SCG5: variants seen among roughly 807,000 people sequenced by gnomAD.
SCG5 encodes the protein neuroendocrine protein 7B2.
In SCG5, 18 loss-of-function variants were observed where a neutral mutation model predicts 25.7. The ratio of observed to expected loss-of-function variants is 0.70; its 90% CI spans 0.48 to 1.04. The LOEUF (loss-of-function observed/expected upper bound fraction) is 1.04, where lower values mean the gene tolerates loss of function less well. SCG5 is among the 50% of genes least tolerant of loss of function. The pLI is 0.00. For synonymous variants in SCG5, 101 were observed against 91.7 expected (o/e 1.10, Z -0.58); for missense variants, 206 against 259.8 (o/e 0.79, Z 1.42).
chr15:32,690,922 G>GCC (rs34757221), intron 4 of SCG5, among the ~76,000 whole-genome samples: 84 of 143,362 alleles, frequency 5.9e-4, no homozygotes, highest in Middle Eastern at 3.9e-3. Context: ...CACAAGTAAA[G>GCC]CCCCCCCCCA....
At chr15:32,655,420 C>T (rs982979204) in intron 2 of SCG5, among the ~76,000 whole-genome samples, 11 of 152,162 alleles carry the variant, frequency 7.2e-5, no homozygotes, top group African/African-American at 2.7e-4. Context: ...CTTTTCCTCC[C>T]CTTGTCCCCT....
intron 2 of SCG5, among the ~76,000 whole-genome samples, chr15:32,653,261 A>C (rs118151036): frequency 0.031 from 4,715 of 152,304 alleles, 101 homozygotes; most frequent in Middle Eastern, 0.061. Flanking sequence ...CACGAGTGAG[A>C]TCTTTAGTCC....
intron 2 of SCG5, among the ~76,000 whole-genome samples, chr15:32,663,190 CAATTT>C (rs949776462): frequency 6.6e-6 from 1 of 150,412 alleles, no homozygotes; most frequent in Non-Finnish European, 1.5e-5. Flanking sequence ...TACAATTCAA[CAATTT>C]AAAGTATACA....
At chr15:32,642,011 A>G (rs2053870933) in intron 1 of SCG5, among the ~76,000 whole-genome samples, 1 of 152,150 alleles carries the variant, frequency 6.6e-6, no homozygotes, top group African/African-American at 2.4e-5. Context: ...TCCTGCATTC[A>G]GAGTGGACAA....
At chr15:32,694,302 T>C (rs150486788) in intron 5 of SCG5, among the ~76,000 whole-genome samples, 1 of 152,244 alleles carries the variant, frequency 6.6e-6, no homozygotes, top group African/African-American at 2.4e-5. Context: ...CCATGAGAGA[T>C]AGATTCTCCT....
chr15:32,692,438 A>G (rs765674636), intron 5 of SCG5: 8 of 199,698 alleles, frequency 4.0e-5, no homozygotes, highest in Non-Finnish European at 6.3e-5. Flanking sequence ...GTAAAACTCA[A>G]TGTCACATTT....
At chr15:32,655,868 G>A (rs1018242812) in intron 2 of SCG5, among the ~76,000 whole-genome samples, 22 of 152,198 alleles carry the variant, frequency 1.4e-4, no homozygotes, top group African/African-American at 5.1e-4. Context: ...AATTTCAGCT[G>A]TTTGCATATC....
At chr15:32,669,783 G>A (rs1049838481) in intron 2 of SCG5, among the ~76,000 whole-genome samples, 3 of 151,878 alleles carry the variant, frequency 2.0e-5, no homozygotes, top group Non-Finnish European at 4.4e-5. Context: ...TGGGGTTTGT[G>A]GTGACTACAG....
At chr15:32,653,938 T>A (rs2054073422) in intron 2 of SCG5, among the ~76,000 whole-genome samples, 1 of 152,206 alleles carries the variant, frequency 6.6e-6, no homozygotes, top group Non-Finnish European at 1.5e-5. Context: ...CTCCATTTCC[T>A]AAGGAAAATT....
intron 2 of SCG5, among the ~76,000 whole-genome samples, chr15:32,648,874 C>T (rs549683433): frequency 2.6e-3 from 395 of 152,146 alleles, no homozygotes; most frequent in Non-Finnish European, 4.8e-3. Context: ...CGGGTTCTCG[C>T]CATTCTCCTG....
intron 2 of SCG5, among the ~76,000 whole-genome samples, chr15:32,673,818 C>G (rs2054485319): frequency 6.6e-6 from 1 of 152,094 alleles, no homozygotes; most frequent in Non-Finnish European, 1.5e-5. Flanking sequence ...ACTGCAACCT[C>G]TACTCCCCAA....
At chr15:32,647,422 T>C (rs2140499394) in intron 2 of SCG5, among the ~76,000 whole-genome samples, 1 of 152,340 alleles carries the variant, frequency 6.6e-6, no homozygotes, top group African/African-American at 2.4e-5. Context: ...CTCTCAAATA[T>C]AGAATTATAA....
rs71113463 is a variant in SCG5 at position 32,657,199 on chromosome 15, G to GTA, written c.226+13393_226+13394dup. On this transcript the variant is annotated intron_variant, in intron 2 of 5. Transcript: ENST00000300175. ...CCTTAATTCTTTCTTTCATCCTCCT[G>GTA]TATATATATATATGTATGTATTTCC... Among the ~76,000 whole-genome samples, 19 of 6,662 alleles carry GTA rather than the reference G, an allele frequency of 2.9e-3. 6 individuals are homozygous for GTA. Among genetic ancestry groups the GTA allele is most frequent in the Non-Finnish European group, 4.1e-3 (14 of 3,456 alleles). The allele number at this position is 6,662 out of a possible 152,430, so 4.4% of individuals were successfully genotyped here.
intron 2 of SCG5, among the ~76,000 whole-genome samples, chr15:32,672,417 G>T (rs1026126752): frequency 5.3e-5 from 8 of 152,378 alleles, no homozygotes; most frequent in Admixed American, 1.3e-4. Context: ...AGTCTGGAGG[G>T]CAGGGGTTGT....
Position 32,643,215 on chromosome 15 carries a change from G to A in SCG5, c.-7-371G>A, listed in dbSNP as rs2140492637. 1.3e-5 allele frequency among the ~76,000 whole-genome samples: 2 copies of A among 152,320 alleles called. 1 individual carries two copies. The highest frequency in any genetic ancestry group is 1.3e-4 in the Admixed American group (2 of 15,304). On this transcript the variant is annotated intron_variant, in intron 1 of 5. Transcript: ENST00000300175. ...GATGCCACTATCTCTTTCTCAAAAT[G>A]TAAGCAAGTTTGGTTTATTTGTTTT...
intron 2 of SCG5, among the ~76,000 whole-genome samples, chr15:32,660,989 AC>A (rs1249267559): frequency 1.3e-5 from 2 of 152,266 alleles, no homozygotes; most frequent in Admixed American, 1.3e-4. Context: ...GCTATAACTC[AC>A]AAAAGGAAAT....
At chr15:32,669,828 CT>C (rs1242171726) in intron 2 of SCG5, among the ~76,000 whole-genome samples, 1 of 150,284 alleles carries the variant, frequency 6.7e-6, no homozygotes, top group East Asian at 1.9e-4. Context: ...AAAATTTGAA[CT>C]TTTGCAAATG....
Position 32,695,442 on chromosome 15 carries a change from G to A in SCG5, c.544-1072G>A, listed in dbSNP as rs139099884. On this transcript the variant is annotated intron_variant, in intron 5 of 5. Transcript: ENST00000300175. ...TTTGTAAAGTTTCAATTACTAGTTC[G>A]AATCCACACCTCAATAAATAGATAT... Among the ~76,000 whole-genome samples the A allele has an allele frequency of 2.0e-3, 297 of 151,978 alleles. 2 individuals carry two copies. Among genetic ancestry groups the A allele is most frequent in the African/African-American group, 6.6e-3 (272 of 41,416 alleles).
intron 2 of SCG5, among the ~76,000 whole-genome samples, chr15:32,661,605 C>T (rs938807357): frequency 2.0e-5 from 3 of 151,844 alleles, no homozygotes; most frequent in African/African-American, 4.8e-5. Context: ...GGGCAACGAG[C>T]GAAACTCTGT....
Sources: gnomAD v4.1 joint callset for allele counts (sites outside exome capture counted in the v4.1 genomes callset) on GRCh38, gnomAD v4.1.1 for gene constraint, MANE v1.5 for transcripts, NCBI Gene and HGNC (gene_info 2026-07-23, HGNC 2026-07-21) for gene names.